The following AK7 variants were observed in gnomAD, a reference collection of about 807,000 sequenced individuals.
AK7 encodes the protein adenylate kinase 7.
A neutral mutation model predicts 96.6 loss-of-function variants in AK7; 78 were observed. The ratio of observed to expected loss-of-function variants is 0.81; its 90% CI spans 0.67 to 0.97. AK7 has a LOEUF of 0.97. AK7 is among the 50% of genes least tolerant of loss of function. AK7 has a pLI of 0.00. For missense variants in AK7, 855 were observed against 887.9 expected (o/e 0.96, Z 0.47); for synonymous variants, 302 against 317.2 (o/e 0.95, Z 0.51).
At chr14:96,472,642 A>T in intron 13 of AK7, 45 bp from the exon 14 acceptor site, 1 of 1,516,004 alleles carries the variant, frequency 6.6e-7, no homozygotes. Flanking sequence ...GATCCATAGT[A>T]ATAATATATT....
At chr14:96,464,705 T>C (rs1056113861) in intron 12 of AK7, among the ~76,000 whole-genome samples, 14 of 151,930 alleles carry the variant, frequency 9.2e-5, no homozygotes, top group Admixed American at 2.6e-4. Context: ...AATTTACAAG[T>C]GTACTATTAT....
intron 15 of AK7, 59 bp downstream of exon 15, chr14:96,478,721 A>T: frequency 1.3e-6 from 2 of 1,543,296 alleles, no homozygotes; most frequent in African/African-American, 2.7e-5. Context: ...AGCTTGGTGC[A>T]GGTCTAGCTG....
At chr14:96,437,732 G>A (rs1371845212) in intron 5 of AK7, 103 bp from the exon 6 acceptor site, 1 of 773,474 alleles carries the variant, frequency 1.3e-6, no homozygotes, top group Non-Finnish European at 2.1e-6. Context: ...TGCAAGAGTT[G>A]ACGGAAGTTC....
At chr14:96,461,793 C>A (rs896679828) in intron 12 of AK7, among the ~76,000 whole-genome samples, 1 of 152,078 alleles carries the variant, frequency 6.6e-6, no homozygotes, top group Non-Finnish European at 1.5e-5. Flanking sequence ...GCCATGTTGG[C>A]CAGACTGGTC....
At chr14:96,454,631 ATG>A (rs1893789861) in intron 10 of AK7, among the ~76,000 whole-genome samples, 1 of 151,654 alleles carries the variant, frequency 6.6e-6, no homozygotes, top group South Asian at 2.1e-4. Flanking sequence ...CCACAGGCAC[ATG>A]TGACTATGCC....
chr14:96,462,336 G>A (rs192784302), intron 12 of AK7, among the ~76,000 whole-genome samples: 213 of 152,232 alleles, frequency 1.4e-3, no homozygotes, highest in Middle Eastern at 3.4e-3. Flanking sequence ...CCTCCTATCC[G>A]TATTTACCTG....
At chr14:96,487,453 A>G (rs1205750029) in intron 17 of AK7, among the ~76,000 whole-genome samples, 18 of 140,022 alleles carry the variant, frequency 1.3e-4, no homozygotes, top group South Asian at 4.9e-4. Context: ...TTTTTGAGAC[A>G]GAGTCTCACT....
At chr14:96,467,460 C>T (rs1894632334) in intron 12 of AK7, among the ~76,000 whole-genome samples, 1 of 152,008 alleles carries the variant, frequency 6.6e-6, no homozygotes, top group Non-Finnish European at 1.5e-5. Flanking sequence ...CTCAGCCTCC[C>T]GAGTCGCTGG....
At chr14:96,476,087 A>G (rs1430132847) in intron 14 of AK7, among the ~76,000 whole-genome samples, 2 of 152,182 alleles carry the variant, frequency 1.3e-5, no homozygotes, top group Non-Finnish European at 2.9e-5. Context: ...TCTCCCATTG[A>G]GCAACCATTG....
intron 6 of AK7, among the ~76,000 whole-genome samples, chr14:96,441,740 G>A (rs990194000): frequency 6.6e-6 from 1 of 151,496 alleles, no homozygotes; most frequent in African/African-American, 2.4e-5. Context: ...CTTTGGCTTA[G>A]TGATTTTGGG....
Position 96,482,887 on chromosome 14 carries a change from T to C in AK7, c.1754-112T>C, listed in dbSNP as rs1895574269. On this transcript the variant is annotated intron_variant, in intron 15 of 17. Coordinates refer to ENST00000267584, the MANE Select transcript of AK7 (RefSeq NM_152327.5). ...CTGGCAATTAGAAAAGAAAACCCTA[T>C]GTGGTAATTTACATAATTGACTATC... is the stretch of plus-strand genomic sequence containing the variant. 4.8e-6 allele frequency: 5 copies of C among 1,046,438 alleles called. No individual in the cohort carries two copies. In the East Asian group the frequency reaches 7.4e-5, roughly 15 times the overall value. The allele number at this position is 1,046,438 out of a possible 1,614,324, so 64.8% of individuals were successfully genotyped here. A position where few individuals can be genotyped will look rare whatever the true frequency, so the allele number is the denominator to read the frequency against.
chr14:96,441,904 C>G (rs894919404), intron 6 of AK7, among the ~76,000 whole-genome samples: 1 of 152,094 alleles, frequency 6.6e-6, no homozygotes, highest in Non-Finnish European at 1.5e-5. Context: ...CCTGCCATCA[C>G]CCCTCTGTCC....
intron 10 of AK7, among the ~76,000 whole-genome samples, chr14:96,453,998 C>A (rs1435767036): frequency 6.6e-6 from 1 of 152,124 alleles, no homozygotes; most frequent in African/African-American, 2.4e-5. Context: ...TCATCCCTAT[C>A]TGACGGGGCC....
chr14:96,464,544 CAAAAAAAAA>C (rs375649324), intron 12 of AK7, among the ~76,000 whole-genome samples: 2 of 57,662 alleles, frequency 3.5e-5, no homozygotes, highest in Admixed American at 2.9e-4. Flanking sequence ...GACCCTGTCC[CAAAAAAAAA>C]AAAAAAAAAA....
chr14:96,419,990 T>C (rs987171608), intron 4 of AK7, among the ~76,000 whole-genome samples: 4 of 151,282 alleles, frequency 2.6e-5, no homozygotes, highest in Non-Finnish European at 5.9e-5. Context: ...GGTTTCATCA[T>C]GTTAGCCAGG....
intron 2 of AK7, among the ~76,000 whole-genome samples, chr14:96,404,293 T>C (rs1382739172): frequency 6.6e-6 from 1 of 152,118 alleles, no homozygotes; most frequent in East Asian, 1.9e-4. Flanking sequence ...TGTAATAAGG[T>C]ACCTTACATC....
chr14:96,402,988 G>A (rs1419573956), intron 2 of AK7, among the ~76,000 whole-genome samples: 1 of 151,980 alleles, frequency 6.6e-6, no homozygotes, highest in East Asian at 1.9e-4. Flanking sequence ...AATAGTGGGT[G>A]CCTGTAATCC....
At chr14:96,423,231 G>A (rs894850256) in intron 5 of AK7, among the ~76,000 whole-genome samples, 4 of 152,180 alleles carry the variant, frequency 2.6e-5, no homozygotes, top group African/African-American at 7.2e-5. Flanking sequence ...GCCTCATTGC[G>A]AGCCTCTGGT....
chr14:96,486,610 T>G lies in AK7; in HGVS notation c.1975-288T>G, dbSNP rs188042996. On this transcript the variant is annotated intron_variant, in intron 16 of 17. Transcript: ENST00000267584. ...AGAATTGCACATGTCACTATCCCAA[T>G]GCCCTCCAGACTTTCTAGTGGCATT... 1.7e-3 allele frequency among the ~76,000 whole-genome samples: 254 copies of G among 151,320 alleles called. 2 individuals are homozygous for G. Among genetic ancestry groups the G allele is most frequent in the South Asian group, 9.4e-3 (45 of 4,786 alleles).
Sources: gnomAD v4.1 joint callset for allele counts (sites outside exome capture counted in the v4.1 genomes callset) on GRCh38, gnomAD v4.1.1 for gene constraint, MANE v1.5 for transcripts, NCBI Gene and HGNC (gene_info 2026-07-23, HGNC 2026-07-21) for gene names.